CCDC150: variants seen among roughly 807,000 people sequenced by gnomAD.
The protein encoded by CCDC150 is coiled-coil domain-containing protein 150.
CCDC150 carries 151 observed loss-of-function variants against 156.5 expected under a neutral mutation model. The ratio of observed to expected loss-of-function variants is 0.97; its 90% CI spans 0.85 to 1.10. CCDC150 has a LOEUF of 1.10. CCDC150 is among the 50% of genes least tolerant of loss of function. The pLI is 0.00. For missense variants in CCDC150, 1,312 were observed against 1,268.1 expected (o/e 1.03, Z -0.53); for synonymous variants, 452 against 429.4 (o/e 1.05, Z -0.65).
intron 14 of CCDC150, among the ~76,000 whole-genome samples, chr2:196,696,778 T>C (rs113567060): frequency 3.9e-5 from 6 of 152,368 alleles, no homozygotes; most frequent in African/African-American, 1.2e-4. Context: ...CATTCAATGC[T>C]GGCAGTGTAT....
At chr2:196,719,397 T>G in intron 18 of CCDC150, 100 bp from the exon 19 acceptor site, 1 of 901,960 alleles carries the variant, frequency 1.1e-6, no homozygotes, top group Non-Finnish European at 1.6e-6. Flanking sequence ...TGTGTCTGCT[T>G]GTCTGCTTTC....
intron 21 of CCDC150, among the ~76,000 whole-genome samples, chr2:196,722,349 C>T (rs1409152646): frequency 6.6e-6 from 1 of 152,090 alleles, no homozygotes; most frequent in African/African-American, 2.4e-5. Flanking sequence ...GATCATGGCT[C>T]ACTGCAGCCT....
At chr2:196,707,088 A>G (rs917205008) in intron 15 of CCDC150, among the ~76,000 whole-genome samples, 2 of 152,214 alleles carry the variant, frequency 1.3e-5, no homozygotes, top group Admixed American at 6.5e-5. Flanking sequence ...AAGGAATGGT[A>G]TCAGCTCCTC....
chr2:196,639,841 A>T, intron 1 of CCDC150, 63 bp downstream of exon 1: 1 of 1,467,770 alleles, frequency 6.8e-7, no homozygotes, highest in Non-Finnish European at 9.2e-7. Context: ...TTCGGCTCAG[A>T]TAAGGACAGT....
At chr2:196,707,365 A>AT (rs1313191414) in intron 15 of CCDC150, among the ~76,000 whole-genome samples, 2 of 151,360 alleles carry the variant, frequency 1.3e-5, no homozygotes, top group Non-Finnish European at 3.0e-5. Flanking sequence ...CCCCTTTATC[A>AT]TTTTTTTATT....
At chr2:196,645,650 A>C (rs1692492358) in intron 1 of CCDC150, among the ~76,000 whole-genome samples, 1 of 152,166 alleles carries the variant, frequency 6.6e-6, no homozygotes, top group Non-Finnish European at 1.5e-5. Context: ...AAGTATTCTC[A>C]CTATTCTTAT....
At chr2:196,667,262 G>T in intron 7 of CCDC150, 1 of 222,936 alleles carries the variant, frequency 4.5e-6, no homozygotes, top group African/African-American at 2.3e-5. Flanking sequence ...CATTCTTCAT[G>T]TTATCAATCT....
At position 196,687,673 on chromosome 2, in the gene CCDC150, C is replaced by T. The variant is rs147884745; in HGVS notation, c.1510-7373C>T. Among the ~76,000 whole-genome samples, 13 of 152,218 alleles carry T rather than the reference C, an allele frequency of 8.5e-5. No homozygotes were observed. In the South Asian group the frequency reaches 2.3e-3, roughly 27 times the overall value. On this transcript the variant is annotated intron_variant, in intron 13 of 27. Transcript: ENST00000389175. ...ACGTCTTTGTCATGAAATCTTTGCT[C>T]GTGCCTATGTTCTGAATAGTATTAC...
intron 14 of CCDC150, among the ~76,000 whole-genome samples, chr2:196,696,310 G>A (rs184898025): frequency 4.6e-5 from 7 of 151,846 alleles, no homozygotes; most frequent in Non-Finnish European, 8.8e-5. Flanking sequence ...AAAAAAGCCT[G>A]TAAGTGCCTA....
intron 26 of CCDC150, 41 bp from the exon 27 acceptor site, chr2:196,731,992 T>G (rs1346841815): frequency 6.3e-7 from 1 of 1,584,242 alleles, no homozygotes; most frequent in African/African-American, 1.4e-5. Flanking sequence ...AACTTGTAAC[T>G]CTTTCTTTGT....
chr2:196,689,218 G>C (rs998055167), intron 13 of CCDC150, among the ~76,000 whole-genome samples: 1 of 152,132 alleles, frequency 6.6e-6, no homozygotes, highest in Non-Finnish European at 1.5e-5. Flanking sequence ...GGATTGACTT[G>C]GCGATGTGGG....
At chr2:196,712,385 C>CT in intron 16 of CCDC150, 133 bp downstream of exon 16, 1 of 584,690 alleles carries the variant, frequency 1.7e-6, no homozygotes, top group Non-Finnish European at 3.0e-6. Context: ...GTTTAACAAA[C>CT]TTTTTTTCAA....
intron 13 of CCDC150, among the ~76,000 whole-genome samples, chr2:196,687,891 C>T (rs551948886): frequency 5.9e-5 from 9 of 152,130 alleles, no homozygotes; most frequent in East Asian, 1.9e-4. Context: ...TCAGGTTTGT[C>T]AAAGGTCAGA....
chr2:196,726,115 A>G lies in CCDC150; in HGVS notation c.2556+16A>G, dbSNP rs1344037270. The G allele has an allele frequency of 6.2e-7, 1 of 1,611,670 alleles. No individual in the cohort carries two copies. Among genetic ancestry groups the G allele is most frequent in the Non-Finnish European group, 8.5e-7 (1 of 1,178,732 alleles). The stretch of plus-strand genomic sequence containing the variant: ...AGTGGCTGAGGTATAGTCATGAGAA[A>G]AGTTTCTCTTTTGGTGAATGCCTCT... On this transcript the variant is annotated intron_variant, in intron 22 of 27. Transcript: ENST00000389175.
chr2:196,641,369 T>C (rs1175545314), intron 1 of CCDC150, among the ~76,000 whole-genome samples: 1 of 152,146 alleles, frequency 6.6e-6, no homozygotes, highest in Admixed American at 6.5e-5. Context: ...CTTTATTATG[T>C]GCGGACTCAT....
intron 2 of CCDC150, among the ~76,000 whole-genome samples, chr2:196,653,669 G>A (rs150976851): frequency 2.2e-4 from 34 of 152,108 alleles, no homozygotes; most frequent in Non-Finnish European, 4.0e-4. Flanking sequence ...ACTTTCCCTC[G>A]TTTTCCTGTT....
At chr2:196,689,757 C>T (rs1695336730) in intron 13 of CCDC150, among the ~76,000 whole-genome samples, 1 of 152,044 alleles carries the variant, frequency 6.6e-6, no homozygotes, top group South Asian at 2.1e-4. Flanking sequence ...TGCCTAATTG[C>T]CCTGGCCAGA....
At chr2:196,697,957 A>T (rs1310486650) in intron 14 of CCDC150, among the ~76,000 whole-genome samples, 1 of 152,148 alleles carries the variant, frequency 6.6e-6, no homozygotes, top group South Asian at 2.1e-4. Context: ...GTTAAAATGG[A>T]TATTCTAATG....
intron 19 of CCDC150, among the ~76,000 whole-genome samples, 161 bp from the exon 20 acceptor site, chr2:196,720,414 T>C (rs1054495384): frequency 2.0e-5 from 3 of 152,352 alleles, no homozygotes; most frequent in Middle Eastern, 3.4e-3. Flanking sequence ...AAGTCAATCT[T>C]TGTAAAGGCA....
Sources: allele counts gnomAD v4.1 joint callset (sites outside exome capture counted in the v4.1 genomes callset), GRCh38; gene constraint gnomAD v4.1.1; transcripts MANE v1.5; gene names NCBI Gene and HGNC (gene_info 2026-07-23, HGNC 2026-07-21).